ITGBL1: variants seen among roughly 807,000 people sequenced by gnomAD.
The protein encoded by ITGBL1 is integrin beta-like protein 1.
A neutral mutation model predicts 68.5 loss-of-function variants in ITGBL1; 51 were observed. That is an observed-to-expected ratio of 0.74 (90% CI 0.59 to 0.94). The LOEUF (loss-of-function observed/expected upper bound fraction) is 0.94, where lower values mean the gene tolerates loss of function less well. Among genes scored for constraint, ITGBL1 ranks in the 40% least tolerant of loss-of-function variants. ITGBL1 has a pLI of 0.00. For synonymous variants in ITGBL1, 209 were observed against 227.3 expected (o/e 0.92, Z 0.72); for missense variants, 649 against 647.4 (o/e 1.00, Z -0.03).
chr13:101,505,534 T>G (rs1413871946), intron 2 of ITGBL1, among the ~76,000 whole-genome samples: 3 of 152,234 alleles, frequency 2.0e-5, no homozygotes, highest in African/African-American at 7.2e-5. Context: ...TTCATTATCT[T>G]ATTCAATCTG....
chr13:101,669,308 A>G (rs945194028), intron 7 of ITGBL1, among the ~76,000 whole-genome samples: 10 of 152,134 alleles, frequency 6.6e-5, no homozygotes, highest in Non-Finnish European at 1.5e-5. Flanking sequence ...GCAGAAAGTG[A>G]ATAATATGAA....
intron 7 of ITGBL1, among the ~76,000 whole-genome samples, chr13:101,618,258 G>A (rs1247474115): frequency 6.6e-6 from 1 of 152,170 alleles, no homozygotes. Context: ...GCCTACTATA[G>A]ATCAAAGACT....
chr13:101,504,700 T>C (rs1382891856), intron 2 of ITGBL1, among the ~76,000 whole-genome samples: 1 of 152,204 alleles, frequency 6.6e-6, no homozygotes, highest in Non-Finnish European at 1.5e-5. Context: ...TTTTTATACC[T>C]ATTCTGTGGA....
At chr13:101,467,208 A>G (rs1307926918) in intron 2 of ITGBL1, among the ~76,000 whole-genome samples, 1 of 152,126 alleles carries the variant, frequency 6.6e-6, no homozygotes, top group Non-Finnish European at 1.5e-5. Flanking sequence ...ATGGGTCAAT[A>G]TTTATATCAT....
chr13:101,713,117 C>T (rs2034552145), intron 9 of ITGBL1: 2 of 152,158 alleles, frequency 1.3e-5, no homozygotes, highest in Admixed American at 1.3e-4. Context: ...AGAAGTGTGT[C>T]AAGAAATGGC....
Position 101,452,907 on chromosome 13 carries a change from C to T in ITGBL1, c.74C>T (p.Pro25Leu), listed in dbSNP as rs1315240203. The part of the protein sequence containing the change: ...SLLFAGLSAV[P>L]QSFSPSLRSW... ...CTCTTTGCTGGGTTGTCAGCTGTTC[C>T]TCAAAGCTTCTCGCCATCTCTGAGG... Residue 25 changes from proline (P) to leucine (L), a missense_variant, in exon 1 of 11, where the codon CCT (proline) becomes CTT (leucine). Coordinates refer to ENST00000376180, the MANE Select transcript of ITGBL1 (RefSeq NM_004791.3). 2 of 1,614,176 alleles carry T rather than the reference C, an allele frequency of 1.2e-6. No homozygotes were observed. The highest frequency in any genetic ancestry group is 2.2e-5 in the East Asian group (1 of 44,876).
In ITGBL1 at chr13:101,604,876, A is replaced by ATGTATATATATG. The variant is rs1566752901; in HGVS notation, c.1015+6578_1015+6579insGTATATATATGT. On this transcript the variant is annotated intron_variant, in intron 7 of 10. Transcript: ENST00000376180. ...TATATATATATATATATATATATAT[A>ATGTATATATATG]TATATATATATACACACACACACAC... Among the ~76,000 whole-genome samples the ATGTATATATATG allele has an allele frequency of 5.5e-5, 3 of 54,702 alleles. No individual in the cohort carries two copies. The South Asian group carries it at 2.1e-3, about 38-fold the overall frequency. 35.9% of individuals were successfully genotyped at this position (54,702 alleles called of 152,430 possible). A position where few individuals can be genotyped will look rare whatever the true frequency, so the allele number is the denominator to read the frequency against.
At chr13:101,572,496 A>C (rs1472648931) in intron 3 of ITGBL1, among the ~76,000 whole-genome samples, 1 of 152,072 alleles carries the variant, frequency 6.6e-6, no homozygotes, top group Non-Finnish European at 1.5e-5. Context: ...ATTGGGCACT[A>C]TGAAAAATGA....
At chr13:101,680,188 A>G (rs2033608679) in intron 7 of ITGBL1, among the ~76,000 whole-genome samples, 1 of 152,228 alleles carries the variant, frequency 6.6e-6, no homozygotes, top group Non-Finnish European at 1.5e-5. Flanking sequence ...ATGGCACAGA[A>G]TATTATAGTT....
intron 7 of ITGBL1, among the ~76,000 whole-genome samples, chr13:101,628,040 G>A (rs1363608495): frequency 6.6e-6 from 1 of 150,926 alleles, no homozygotes; most frequent in Admixed American, 6.6e-5. Flanking sequence ...CAAAGAGGCT[G>A]TAGCATTTTG....
At chr13:101,684,802 A>G (rs542208120) in intron 7 of ITGBL1, among the ~76,000 whole-genome samples, 1 of 152,070 alleles carries the variant, frequency 6.6e-6, no homozygotes, top group East Asian at 1.9e-4. Context: ...TAAAATGTTT[A>G]CCATTAGCAC....
At chr13:101,532,653 C>T (rs1273821929) in intron 2 of ITGBL1, among the ~76,000 whole-genome samples, 7 of 152,168 alleles carry the variant, frequency 4.6e-5, no homozygotes, top group Non-Finnish European at 8.8e-5. Flanking sequence ...TCAAATGAAA[C>T]TGTACATATG....
At chr13:101,494,906 G>A (rs1243377339) in intron 2 of ITGBL1, among the ~76,000 whole-genome samples, 4 of 152,142 alleles carry the variant, frequency 2.6e-5, no homozygotes, top group African/African-American at 9.7e-5. Context: ...GTAAGTTAAT[G>A]TTGGTTCTAC....
chr13:101,698,375 T>G lies in ITGBL1; in HGVS notation c.1132+5674T>G, dbSNP rs905179842. On this transcript the variant is annotated intron_variant, in intron 8 of 10. Coordinates refer to ENST00000376180, the MANE Select transcript of ITGBL1 (RefSeq NM_004791.3). ...TCCTACCAATAACACTAAAGATGATTAAACCAATTCTGATAGGTTGGATAA... is the reference window on the plus strand; with the variant it reads ...TCCTACCAATAACACTAAAGATGATGAAACCAATTCTGATAGGTTGGATAA... Among the ~76,000 whole-genome samples, 25 of 152,214 alleles carry G rather than the reference T, an allele frequency of 1.6e-4. No individual in the cohort carries two copies. The South Asian group carries it at 3.7e-3, about 23-fold the overall frequency.
intron 7 of ITGBL1, among the ~76,000 whole-genome samples, chr13:101,652,980 C>G (rs2032797837): frequency 6.6e-6 from 1 of 151,992 alleles, no homozygotes; most frequent in South Asian, 2.1e-4. Context: ...GCCTGTAATC[C>G]AGCTACTCGG....
chr13:101,452,971 G>T (rs540096138), intron 1 of ITGBL1, 40 bp downstream of exon 1: 6 of 1,528,648 alleles, frequency 3.9e-6, no homozygotes, highest in Non-Finnish European at 5.4e-6. Flanking sequence ...GACCTGCCCT[G>T]CTTATGTGGC....
At chr13:101,595,795 T>TA (rs996387447) in intron 6 of ITGBL1, among the ~76,000 whole-genome samples, 4 of 152,032 alleles carry the variant, frequency 2.6e-5, no homozygotes, top group African/African-American at 7.2e-5. Flanking sequence ...GGAGTTTCCT[T>TA]AAAAAATCAA....
At chr13:101,609,828 A>AT (rs796700847) in intron 7 of ITGBL1, among the ~76,000 whole-genome samples, 11 of 152,092 alleles carry the variant, frequency 7.2e-5, no homozygotes, top group Admixed American at 3.9e-4. Context: ...AAGAGAGAGT[A>AT]TTTTTTTCCT....
At chr13:101,556,817 C>T (rs1306852478) in intron 2 of ITGBL1, among the ~76,000 whole-genome samples, 2 of 152,126 alleles carry the variant, frequency 1.3e-5, no homozygotes, top group Non-Finnish European at 2.9e-5. Context: ...TCTCAAGAGA[C>T]CCTGGTCCTG....
Sources: gnomAD v4.1 joint callset for allele counts (sites outside exome capture counted in the v4.1 genomes callset) on GRCh38, gnomAD v4.1.1 for gene constraint, MANE v1.5 for transcripts, NCBI Gene and HGNC (gene_info 2026-07-23, HGNC 2026-07-21) for gene names.